ADCY2: variants seen among roughly 807,000 people sequenced by gnomAD.
ADCY2 encodes the protein adenylate cyclase type 2.
Under a neutral mutation model 125.2 loss-of-function variants are expected in ADCY2, and 31 were observed. That is an observed-to-expected ratio of 0.25 (90% CI 0.19 to 0.33). The LOEUF (loss-of-function observed/expected upper bound fraction) is 0.33. ADCY2 is among the 10% of genes least tolerant of loss of function. The pLI is 1.00. For synonymous variants in ADCY2, 512 were observed against 548.4 expected, an observed-to-expected ratio of 0.93 and a Z score of 0.93; for missense variants, 904 against 1,418.2, an observed-to-expected ratio of 0.64 and a Z score of 5.82.
intron 2 of ADCY2, among the ~76,000 whole-genome samples, chr5:7,506,743 G>GT (rs1307352071): frequency 7.7e-5 from 11 of 143,734 alleles, no homozygotes; most frequent in African/African-American, 2.8e-4. Flanking sequence ...TGAAAGTGAA[G>GT]TTGGAATATT....
chr5:7,686,226 G>C (rs1021093406), intron 4 of ADCY2, among the ~76,000 whole-genome samples: 1 of 152,048 alleles, frequency 6.6e-6, no homozygotes, highest in Non-Finnish European at 1.5e-5. Context: ...CCTACCAATT[G>C]AAATAGTCTA....
intron 4 of ADCY2, chr5:7,654,106 G>A (rs971317106): frequency 1.1e-5 from 5 of 456,082 alleles, no homozygotes; most frequent in African/African-American, 2.0e-5. Context: ...CAGTCACCAC[G>A]GGACTCCTGA....
At chr5:7,655,302 G>GAT (rs1190262793) in intron 4 of ADCY2, among the ~76,000 whole-genome samples, 1 of 152,166 alleles carries the variant, frequency 6.6e-6, no homozygotes, top group Non-Finnish European at 1.5e-5. Context: ...GAAGCCATAG[G>GAT]ATATATACAG....
chr5:7,520,246 C>T (rs1744393231), intron 2 of ADCY2, among the ~76,000 whole-genome samples: 1 of 152,176 alleles, frequency 6.6e-6, no homozygotes, highest in Admixed American at 6.5e-5. Flanking sequence ...CATCCACAGG[C>T]TGTTTTATTT....
At chr5:7,785,690 T>C (rs991792488) in intron 19 of ADCY2, among the ~76,000 whole-genome samples, 3 of 152,204 alleles carry the variant, frequency 2.0e-5, no homozygotes, top group Admixed American at 6.5e-5. Context: ...CTTCCTTGAA[T>C]AATATCACCT....
intron 19 of ADCY2, among the ~76,000 whole-genome samples, chr5:7,787,134 G>A (rs938713358): frequency 6.6e-6 from 1 of 152,144 alleles, no homozygotes; most frequent in African/African-American, 2.4e-5. Context: ...CCGAGAGGTG[G>A]GTGACAATCC....
In ADCY2 at chr5:7,757,861, G is replaced by A. The variant is rs1441367974; in HGVS notation, c.2094+275G>A. On this transcript the variant is annotated intron_variant, in intron 16 of 24. Coordinates refer to ENST00000338316, the MANE Select transcript of ADCY2 (RefSeq NM_020546.3). ...AATTTAGCATCTCTTGGCTACAGCA[G>A]TCATTTCTCTAAGGAAAGGGGTGCT... is the stretch of plus-strand genomic sequence containing the variant. Among the ~76,000 whole-genome samples the A allele has an allele frequency of 2.6e-5, 4 of 152,320 alleles. No homozygotes were observed. The East Asian group carries it at 7.7e-4, about 29-fold the overall frequency.
chr5:7,420,817 G>C (rs1239532546), intron 2 of ADCY2, among the ~76,000 whole-genome samples: 1 of 152,172 alleles, frequency 6.6e-6, no homozygotes, highest in Non-Finnish European at 1.5e-5. Flanking sequence ...TTTCATTTGT[G>C]CTTCCAATTC....
intron 11 of ADCY2, 123 bp downstream of exon 11, chr5:7,713,022 C>A: frequency 1.5e-6 from 1 of 685,028 alleles, no homozygotes; most frequent in Non-Finnish European, 2.4e-6. Flanking sequence ...CCCTGAAAAG[C>A]CCTATTAAAT....
At chr5:7,621,570 T>C (rs926875746) in intron 3 of ADCY2, among the ~76,000 whole-genome samples, 5 of 152,204 alleles carry the variant, frequency 3.3e-5, no homozygotes, top group African/African-American at 4.8e-5. Context: ...TAATTGTTTG[T>C]ACCTTTTGTT....
intron 3 of ADCY2, among the ~76,000 whole-genome samples, chr5:7,555,510 A>G (rs1471789285): frequency 6.6e-6 from 1 of 152,184 alleles, no homozygotes; most frequent in Non-Finnish European, 1.5e-5. Context: ...CACAAGTTTT[A>G]TTTGGTAACT....
At chr5:7,794,679 C>T (rs1359249354) in intron 20 of ADCY2, 4 of 152,132 alleles carry the variant, frequency 2.6e-5, no homozygotes, top group African/African-American at 9.7e-5. Context: ...CGTGCCCCTC[C>T]CTTCTGTGGA....
At chr5:7,724,955 T>G (rs1462984323) in intron 13 of ADCY2, among the ~76,000 whole-genome samples, 2 of 152,228 alleles carry the variant, frequency 1.3e-5, no homozygotes, top group Admixed American at 6.5e-5. Flanking sequence ...ACAGAATTCT[T>G]CTTGATAAAT....
intron 12 of ADCY2, among the ~76,000 whole-genome samples, chr5:7,718,083 C>G (rs1741650973): frequency 6.6e-6 from 1 of 150,976 alleles, no homozygotes; most frequent in Non-Finnish European, 1.5e-5. Context: ...CTCTTTGTCT[C>G]TAAAATTAAG....
At chr5:7,660,239 A>AGAAGGAAGGAAG (rs59646942) in intron 4 of ADCY2, among the ~76,000 whole-genome samples, 5,086 of 101,224 alleles carry the variant, frequency 0.05, 214 homozygotes, top group South Asian at 0.092. Flanking sequence ...AGGGAGGGAG[A>AGAAGGAAGGAAG]GAAGGAAGGA....
chr5:7,772,549 A>T (rs568875040), intron 17 of ADCY2, among the ~76,000 whole-genome samples: 1 of 152,228 alleles, frequency 6.6e-6, no homozygotes, highest in East Asian at 1.9e-4. Context: ...GCCAAAAAAG[A>T]TCCTATAGAC....
chr5:7,585,166 C>T (rs933841131), intron 3 of ADCY2, among the ~76,000 whole-genome samples: 1 of 152,072 alleles, frequency 6.6e-6, no homozygotes, highest in African/African-American at 2.4e-5. Flanking sequence ...ACCTGGGTCT[C>T]CTCTGAGAAT....
intron 4 of ADCY2, among the ~76,000 whole-genome samples, chr5:7,632,700 A>C (rs901933973): frequency 6.6e-6 from 1 of 152,242 alleles, no homozygotes; most frequent in Admixed American, 6.5e-5. Flanking sequence ...ACACTGTATT[A>C]TACTGGTTAC....
At position 7,443,565 on chromosome 5, in the gene ADCY2, A is replaced by G. The variant is rs1416012749; in HGVS notation, c.408+28795A>G. Among the ~76,000 whole-genome samples the G allele has an allele frequency of 1.4e-4, 18 of 133,100 alleles. No homozygotes were observed. The Middle Eastern group carries it at 0.013, about 96-fold the overall frequency. 87.3% of individuals were successfully genotyped at this position (133,100 alleles called of 152,430 possible). A position where few individuals can be genotyped will look rare whatever the true frequency, so the allele number is the denominator to read the frequency against. On this transcript the variant is annotated intron_variant, in intron 2 of 24. Transcript: ENST00000338316. ...TGAGGCAGGAGAATGGCGTGAACCC[A>G]GGAGGCAGAGCTTGCAGTGAGCCGA...
Sources: allele counts gnomAD v4.1 joint callset (sites outside exome capture counted in the v4.1 genomes callset), GRCh38; gene constraint gnomAD v4.1.1; transcripts MANE v1.5; gene names NCBI Gene and HGNC (gene_info 2026-07-23, HGNC 2026-07-21).